FREM1: variants seen among roughly 807,000 people sequenced by gnomAD.
FREM1 encodes the protein FRAS1-related extracellular matrix protein 1.
A neutral mutation model predicts 210.1 loss-of-function variants in FREM1; 220 were observed. The observed-to-expected ratio is 1.05, with a 90% CI of 0.94 to 1.17. The LOEUF is 1.17. Among genes scored for constraint, FREM1 ranks in the 50% most tolerant of loss-of-function variants. The pLI is 0.00. For synonymous variants in FREM1, 1,189 were observed against 980.2 expected, an observed-to-expected ratio of 1.21 and a Z score of -3.98; for missense variants, 3,454 against 2,675.5, an observed-to-expected ratio of 1.29 and a Z score of -6.42.
At chr9:14,824,319 A>T (rs1376568097) in intron 11 of FREM1, among the ~76,000 whole-genome samples, 1 of 152,206 alleles carries the variant, frequency 6.6e-6, no homozygotes, top group Non-Finnish European at 1.5e-5. Flanking sequence ...AAAGGTATGT[A>T]CAGAATCTTT....
chr9:14,850,810 C>T (rs754490692), intron 6 of FREM1, among the ~76,000 whole-genome samples: 2 of 152,190 alleles, frequency 1.3e-5, no homozygotes, highest in Non-Finnish European at 2.9e-5. Context: ...GGAAGGCTGT[C>T]GAAGGCTGCT....
intron 29 of FREM1, 149 bp from the exon 30 acceptor site, chr9:14,750,425 T>TTC (rs1843145785): frequency 1.7e-6 from 1 of 582,918 alleles, no homozygotes; most frequent in Non-Finnish European, 2.9e-6. Flanking sequence ...AGTCCTGCTG[T>TTC]TCTCCCAAAT....
intron 1 of FREM1, among the ~76,000 whole-genome samples, chr9:14,893,881 G>T (rs185142794): frequency 1.3e-5 from 2 of 152,208 alleles, no homozygotes; most frequent in East Asian, 3.9e-4. Flanking sequence ...TGAACATATT[G>T]GCTAAAGCTA....
chr9:14,873,003 A>G (rs1358317096), intron 1 of FREM1, among the ~76,000 whole-genome samples: 2 of 151,802 alleles, frequency 1.3e-5, no homozygotes. Flanking sequence ...CCAGCCTTGC[A>G]TCCCAGGGAT....
chr9:14,862,706 G>C (rs1324601596), intron 3 of FREM1, among the ~76,000 whole-genome samples: 1 of 152,236 alleles, frequency 6.6e-6, no homozygotes, highest in Middle Eastern at 3.4e-3. Context: ...GCCAGTTCTA[G>C]ACATTTCATA....
At chr9:14,746,328 T>A in intron 35 of FREM1, 25 bp downstream of exon 35, 8 of 1,483,322 alleles carry the variant, frequency 5.4e-6, no homozygotes, top group Non-Finnish European at 7.5e-6. Flanking sequence ...AAAACACCAA[T>A]CAAATGTGCA....
Position 14,812,942 on chromosome 9 carries a change from G to T in FREM1, c.2763C>A (p.Ser921Arg). 3 of 1,613,876 alleles carry T rather than the reference G, an allele frequency of 1.9e-6. No individual in the cohort carries two copies. Among genetic ancestry groups the T allele is most frequent in the Non-Finnish European group, 2.5e-6 (3 of 1,179,846 alleles). The part of the protein sequence containing the change: ...SEYIFATDVD[S>R]DNLKLMFVIA... ...TCACAAACATCAACTTCAAGTTATC[G>T]CTGTCCACATCAGTAGCAAAAATGT... Residue 921 changes from serine to arginine, a missense_variant, in exon 16 of 37, where the codon AGC becomes AGA. Physicochemically the swap from Ser to Arg is moderately radical, Grantham distance 110. Transcript: ENST00000380880.
intron 10 of FREM1, among the ~76,000 whole-genome samples, chr9:14,839,393 C>T (rs1276035141): frequency 1.3e-5 from 2 of 152,134 alleles, no homozygotes; most frequent in Non-Finnish European, 2.9e-5. Context: ...GTAAAGATGT[C>T]AGATAGAGAG....
chr9:14,839,502 C>T (rs1027135410), intron 10 of FREM1, among the ~76,000 whole-genome samples: 2 of 150,982 alleles, frequency 1.3e-5, no homozygotes, highest in Non-Finnish European at 3.0e-5. Flanking sequence ...CCTTCTCTTT[C>T]TCTTTCTAAC....
At chr9:14,798,223 A>G (rs10961711) in intron 20 of FREM1, among the ~76,000 whole-genome samples, 54,353 of 152,150 alleles carry the variant, frequency 0.36, 9,864 homozygotes, top group African/African-American at 0.4. Context: ...TTACTGAAAT[A>G]TAAGTTTTAA....
In FREM1 at chr9:14,851,547, C is replaced by A. The variant is rs1332861155; in HGVS notation, c.889G>T (p.Ala297Ser). 1.2e-6 allele frequency: 2 copies of A among 1,613,974 alleles called. No individual in the cohort carries two copies. Among genetic ancestry groups the A allele is most frequent in the East Asian group, 4.5e-5 (2 of 44,884 alleles). The change falls in exon 6 of 37, where the codon GCT becomes TCT. Residue 297 changes from alanine (A) to serine (S), a missense_variant. Transcript: ENST00000380880. ...AGAATAAACACGGCCATGAATGCAG[C>A]CTTTGGAATCTGATTCGGAATTCCA... ...RAGIPNQIPKAAFMAVFILEV... is the reference protein window; with the variant it reads ...RAGIPNQIPKSAFMAVFILEV...
At chr9:14,870,011 G>T (rs1355012806) in intron 1 of FREM1, among the ~76,000 whole-genome samples, 1 of 152,152 alleles carries the variant, frequency 6.6e-6, no homozygotes, top group Non-Finnish European at 1.5e-5. Context: ...ATTTCATGAT[G>T]ATTTCTCTGT....
chr9:14,886,056 T>G (rs1835747756), intron 1 of FREM1, among the ~76,000 whole-genome samples: 1 of 151,986 alleles, frequency 6.6e-6, no homozygotes, highest in Non-Finnish European at 1.5e-5. Context: ...AACAACTTTT[T>G]CACAACTTTA....
chr9:14,845,604 C>T (rs532372118), intron 8 of FREM1, among the ~76,000 whole-genome samples: 14 of 152,166 alleles, frequency 9.2e-5, no homozygotes, highest in Non-Finnish European at 1.8e-4. Flanking sequence ...TGCGCTCGGC[C>T]TAATTTTTCA....
chr9:14,905,144 T>A (rs1817468618), intron 1 of FREM1, among the ~76,000 whole-genome samples: 1 of 152,032 alleles, frequency 6.6e-6, no homozygotes. Flanking sequence ...TTGAAGATAA[T>A]AACCATGACT....
chr9:14,790,475 G>A (rs1198408165), intron 22 of FREM1, among the ~76,000 whole-genome samples: 1 of 151,976 alleles, frequency 6.6e-6, no homozygotes, highest in Non-Finnish European at 1.5e-5. Context: ...GTTTTAAACG[G>A]GAAAGCCTGC....
chr9:14,866,602 C>A (rs1278558189), intron 2 of FREM1, among the ~76,000 whole-genome samples: 1 of 152,208 alleles, frequency 6.6e-6, no homozygotes, highest in Non-Finnish European at 1.5e-5. Flanking sequence ...ACAGCTTAGA[C>A]AGCTTGCTCC....
chr9:14,900,205 A>G (rs1013139146), intron 1 of FREM1, among the ~76,000 whole-genome samples: 1 of 152,182 alleles, frequency 6.6e-6, no homozygotes, highest in African/African-American at 2.4e-5. Context: ...CTTCAGCTTC[A>G]TATTACCATC....
At position 14,817,752 on chromosome 9, in the gene FREM1, G is replaced by T. The variant is rs1031547502; in HGVS notation, c.2547-881C>A. Among the ~76,000 whole-genome samples the T allele has an allele frequency of 4.6e-5, 7 of 152,232 alleles. No homozygotes were observed. The East Asian group carries it at 9.7e-4, about 21-fold the overall frequency. ...TACTGAGGACTAGTTTCACCCATAGGCAGGGTAGGAACTGAGGTTGAGGAT... is the reference window on the plus strand; with the variant it reads ...TACTGAGGACTAGTTTCACCCATAGTCAGGGTAGGAACTGAGGTTGAGGAT... On this transcript the variant is annotated intron_variant, in intron 14 of 36. Coordinates refer to ENST00000380880, the MANE Select transcript of FREM1 (RefSeq NM_001379081.2).
Sources: gnomAD v4.1 joint callset for allele counts (sites outside exome capture counted in the v4.1 genomes callset) on GRCh38, gnomAD v4.1.1 for gene constraint, MANE v1.5 for transcripts, NCBI Gene and HGNC (gene_info 2026-07-23, HGNC 2026-07-21) for gene names.